Variants in CPNE4 observed in about 807,000 individuals in gnomAD.
CPNE4 encodes copine-4.
A neutral mutation model predicts 67.9 loss-of-function variants in CPNE4; 25 were observed. The ratio of observed to expected loss-of-function variants is 0.37; its 90% CI spans 0.27 to 0.51. The LOEUF is 0.51. Ranked by LOEUF, CPNE4 falls within the 20% of genes least tolerant of loss-of-function variation. CPNE4 has a pLI of 0.93. For missense variants in CPNE4, 464 were observed against 690.8 expected, an observed-to-expected ratio of 0.67 and a Z score of 3.68; for synonymous variants, 242 against 244.9, an observed-to-expected ratio of 0.99 and a Z score of 0.11.
intron 2 of CPNE4, among the ~76,000 whole-genome samples, chr3:131,746,448 T>C (rs374434911): frequency 2.6e-5 from 4 of 152,184 alleles, no homozygotes; most frequent in East Asian, 1.9e-4. Flanking sequence ...CCCCATCCTC[T>C]GGTAGCTACA....
At chr3:131,986,853 CA>C (rs1301527604) in intron 1 of CPNE4, among the ~76,000 whole-genome samples, 2 of 101,680 alleles carry the variant, frequency 2.0e-5, no homozygotes, top group African/African-American at 8.6e-5. Flanking sequence ...CAAAAAAAAA[CA>C]AAAACAAACA....
chr3:131,957,515 A>G (rs80176533), intron 1 of CPNE4, among the ~76,000 whole-genome samples: 4,809 of 152,286 alleles, frequency 0.032, 232 homozygotes, highest in African/African-American at 0.11. Context: ...AGGGTAACTG[A>G]AAAGATATAG....
chr3:131,545,244 G>A lies in CPNE4; in HGVS notation c.1303-2451C>T, dbSNP rs773674876. Among the ~76,000 whole-genome samples the A allele has an allele frequency of 2.8e-4, 42 of 151,914 alleles. 1 individual carries two copies. Among genetic ancestry groups the A allele is most frequent in the Middle Eastern group, 6.4e-3 (2 of 314 alleles). On this transcript the variant is annotated intron_variant, in intron 14 of 15. Coordinates refer to ENST00000429747, the MANE Select transcript of CPNE4 (RefSeq NM_130808.3). ...AAAATACAAATATTATTCTACTTTT[G>A]ATTTTTTCAACAATTAAAAAATCTA...
At chr3:131,937,260 C>T (rs759891825) in intron 1 of CPNE4, among the ~76,000 whole-genome samples, 7 of 152,128 alleles carry the variant, frequency 4.6e-5, no homozygotes, top group African/African-American at 7.2e-5. Flanking sequence ...GTTTATCACA[C>T]GCTCTAAAGA....
In CPNE4 at chr3:131,698,781, G is replaced by T. The variant is rs529207949; in HGVS notation, c.432+1128C>A. 7.7e-4 allele frequency among the ~76,000 whole-genome samples: 117 copies of T among 151,676 alleles called. 1 individual carries two copies. Among genetic ancestry groups the T allele is most frequent in the African/African-American group, 2.7e-3 (112 of 41,386 alleles). On this transcript the variant is annotated intron_variant, in intron 4 of 15. Coordinates refer to ENST00000429747, the MANE Select transcript of CPNE4 (RefSeq NM_130808.3). ...AAAAATTAGCTGGGTGTGGTGGTGG[G>T]CACCTGTAATCCCAGCTACTTGGGA...
At chr3:131,631,578 T>C (rs767519970) in intron 7 of CPNE4, among the ~76,000 whole-genome samples, 2 of 152,234 alleles carry the variant, frequency 1.3e-5, no homozygotes, top group African/African-American at 2.4e-5. Context: ...TATTACCTTA[T>C]ACGGAAAACC....
chr3:131,787,677 C>T (rs1054637443), intron 2 of CPNE4, among the ~76,000 whole-genome samples: 2 of 152,174 alleles, frequency 1.3e-5, no homozygotes, highest in Non-Finnish European at 2.9e-5. Context: ...AATTTCATCA[C>T]TCTTGTGATA....
At chr3:131,799,923 G>GT (rs879839704) in intron 2 of CPNE4, among the ~76,000 whole-genome samples, 3,139 of 44,798 alleles carry the variant, frequency 0.07, 91 homozygotes, top group African/African-American at 0.18. Context: ...TGTGTGTTGT[G>GT]TGTGTGTGTG....
chr3:131,949,066 T>C (rs1264007007), intron 1 of CPNE4, among the ~76,000 whole-genome samples: 5 of 152,186 alleles, frequency 3.3e-5, no homozygotes, highest in Non-Finnish European at 5.9e-5. Context: ...AGAGATAATA[T>C]AAACCTTGCA....
At chr3:131,794,267 CTTGCTGTG>C (rs2083860093) in intron 2 of CPNE4, among the ~76,000 whole-genome samples, 2 of 147,608 alleles carry the variant, frequency 1.4e-5, no homozygotes, top group Non-Finnish European at 3.0e-5. Context: ...TAGATGGAGT[CTTGCTGTG>C]TTGCCAGGCT....
At chr3:131,650,481 G>A (rs536164051) in intron 7 of CPNE4, among the ~76,000 whole-genome samples, 8 of 142,134 alleles carry the variant, frequency 5.6e-5, no homozygotes, top group Non-Finnish European at 8.8e-5. Context: ...ATTGCGGCCG[G>A]GCGCGGTGGC....
chr3:131,896,697 C>T (rs1289603123), intron 2 of CPNE4, among the ~76,000 whole-genome samples: 1 of 152,072 alleles, frequency 6.6e-6, no homozygotes, highest in Non-Finnish European at 1.5e-5. Context: ...GATGTCATTG[C>T]TCCACTATCT....
intron 7 of CPNE4, among the ~76,000 whole-genome samples, chr3:131,668,957 T>C (rs2080329864): frequency 1.3e-5 from 2 of 152,170 alleles, no homozygotes; most frequent in South Asian, 4.1e-4. Context: ...ACCTTTTAAA[T>C]CTGTAATGAC....
chr3:131,986,967 T>C (rs2073065079), intron 1 of CPNE4, among the ~76,000 whole-genome samples: 1 of 152,106 alleles, frequency 6.6e-6, no homozygotes, highest in East Asian at 1.9e-4. Flanking sequence ...AGTCCTGATG[T>C]CCAGTCCTCA....
At position 131,685,803 on chromosome 3, in the gene CPNE4, G is replaced by A. The variant is rs897433985; in HGVS notation, c.591+72C>T. ...CTCAACACACACACACACACAAAAA[G>A]GAGTTTCTCAAAATAGGTCAATTTA... On this transcript the variant is annotated intron_variant, in intron 6 of 15. Transcript: ENST00000429747. The A allele has an allele frequency of 1.2e-5, 12 of 1,000,438 alleles. No homozygotes were observed. In the African/African-American group the frequency reaches 1.6e-4, roughly 14 times the overall value. The allele number at this position is 1,000,438 out of a possible 1,614,324, so 62.0% of individuals were successfully genotyped here. A position where few individuals can be genotyped will look rare whatever the true frequency, so the allele number is the denominator to read the frequency against.
intron 2 of CPNE4, among the ~76,000 whole-genome samples, chr3:131,743,123 G>A (rs1477668234): frequency 6.6e-6 from 1 of 152,066 alleles, no homozygotes; most frequent in East Asian, 1.9e-4. Context: ...ATAGATAAAA[G>A]AACAATGACA....
rs563768394 is a variant in CPNE4 at position 131,736,512 on chromosome 3, C to T, written c.181-12887G>A. Among the ~76,000 whole-genome samples the T allele has an allele frequency of 2.2e-4, 33 of 148,250 alleles. 1 individual carries two copies. Among genetic ancestry groups the T allele is most frequent in the African/African-American group, 7.5e-4 (30 of 39,920 alleles). ...GCGCATGCCTGTAGTCCCAGCTACT[C>T]GGGAGGCTGAGGCAGGGGAATCACT... is the stretch of plus-strand genomic sequence containing the variant. On this transcript the variant is annotated intron_variant, in intron 2 of 15. Transcript: ENST00000429747.
intron 2 of CPNE4, among the ~76,000 whole-genome samples, chr3:131,833,059 T>C (rs1362761009): frequency 6.6e-6 from 1 of 152,142 alleles, no homozygotes; most frequent in African/African-American, 2.4e-5. Flanking sequence ...CAGAGCCTTG[T>C]ATCTATAGCC....
chr3:131,821,352 T>A (rs72987743), intron 2 of CPNE4, among the ~76,000 whole-genome samples: 4,816 of 152,284 alleles, frequency 0.032, 183 homozygotes, highest in South Asian at 0.095. Context: ...GAAATGAGTT[T>A]GGCAACTGGA....
Sources: allele counts gnomAD v4.1 joint callset (sites outside exome capture counted in the v4.1 genomes callset), GRCh38; gene constraint gnomAD v4.1.1; transcripts MANE v1.5; gene names NCBI Gene and HGNC (gene_info 2026-07-23, HGNC 2026-07-21).